The following BABAM2 variants were observed in gnomAD, a reference collection of about 807,000 sequenced individuals.
The protein encoded by BABAM2 is BRISC and BRCA1 A complex member 2.
Under a neutral mutation model 54.7 loss-of-function variants are expected in BABAM2, and 31 were observed. The observed-to-expected ratio is 0.57, with a 90% CI of 0.43 to 0.77. The LOEUF is 0.77. BABAM2 is among the 30% of genes least tolerant of loss of function. BABAM2 has a pLI of 0.00. For missense variants in BABAM2, 364 were observed against 455.8 expected (o/e 0.80, Z 1.83); for synonymous variants, 167 against 162.9 (o/e 1.03, Z -0.19).
chr2:27,986,873 A>G (rs963487698), intron 3 of BABAM2, among the ~76,000 whole-genome samples: 1 of 152,190 alleles, frequency 6.6e-6, no homozygotes, highest in Admixed American at 6.5e-5. Flanking sequence ...TCGATAAACT[A>G]ATCTACTTGT....
chr2:28,026,989 A>ATATATATATAT (rs1558668326), intron 5 of BABAM2, among the ~76,000 whole-genome samples: 33 of 110,012 alleles, frequency 3.0e-4, no homozygotes, highest in South Asian at 2.4e-3. Context: ...AATATATATA[A>ATATATATATAT]AAATATATAA....
intron 4 of BABAM2, among the ~76,000 whole-genome samples, chr2:28,002,667 A>T (rs1673657387): frequency 6.6e-6 from 1 of 152,302 alleles, no homozygotes; most frequent in African/African-American, 2.4e-5. Context: ...AATCTAAAAA[A>T]AGAAACCAGA....
rs148810957 is a variant in BABAM2, at chr2:27,984,699, A to G, written c.206-3294A>G. Among the ~76,000 whole-genome samples, 1,122 of 150,306 alleles carry G rather than the reference A, an allele frequency of 7.5e-3. 12 individuals are homozygous for G. Among genetic ancestry groups the G allele is most frequent in the African/African-American group, 0.026 (1,081 of 40,904 alleles). ...ATTTCTCACATTTTATTTTATTTTT[A>G]TTTTTTATTCCAGTAGGTTTTTGGG... On this transcript the variant is annotated intron_variant, in intron 3 of 11. Transcript: ENST00000379624.
At chr2:27,920,398 T>G (rs995910677) in intron 2 of BABAM2, among the ~76,000 whole-genome samples, 1 of 152,196 alleles carries the variant, frequency 6.6e-6, no homozygotes, top group East Asian at 1.9e-4. Context: ...TCTTCCAGCT[T>G]CTTTACTGCT....
chr2:28,335,696 A>G (rs996481080), intron 11 of BABAM2, among the ~76,000 whole-genome samples: 7 of 152,238 alleles, frequency 4.6e-5, no homozygotes, highest in African/African-American at 1.7e-4. Context: ...GACAGTGTGC[A>G]GGGAGATGAC....
intron 2 of BABAM2, among the ~76,000 whole-genome samples, chr2:27,915,455 C>T (rs563361303): frequency 4.1e-4 from 62 of 152,168 alleles, no homozygotes; most frequent in African/African-American, 1.3e-3. Context: ...ACACTGAAGA[C>T]GAGAGAGATT....
intron 3 of BABAM2, among the ~76,000 whole-genome samples, chr2:27,938,322 C>G (rs1324313220): frequency 6.6e-6 from 1 of 152,106 alleles, no homozygotes; most frequent in Non-Finnish European, 1.5e-5. Flanking sequence ...AATACAAACA[C>G]ACTTAATTGA....
intron 6 of BABAM2, among the ~76,000 whole-genome samples, chr2:28,068,791 C>T (rs1038260578): frequency 6.6e-6 from 1 of 151,928 alleles, no homozygotes; most frequent in South Asian, 2.1e-4. Flanking sequence ...GCCCCGACAC[C>T]GACATATCTT....
intron 6 of BABAM2, among the ~76,000 whole-genome samples, chr2:28,108,166 A>G (rs995374763): frequency 3.3e-5 from 5 of 152,118 alleles, no homozygotes; most frequent in Admixed American, 1.3e-4. Flanking sequence ...TCACATATAT[A>G]TATATGGCAA....
chr2:27,949,527 C>A (rs528377186), intron 3 of BABAM2, among the ~76,000 whole-genome samples: 7 of 150,242 alleles, frequency 4.7e-5, no homozygotes, highest in South Asian at 2.1e-4. Context: ...GAGTGAGATT[C>A]CGTCTCAAAA....
At chr2:28,231,194 T>C in intron 7 of BABAM2, among the ~76,000 whole-genome samples, 1 of 152,118 alleles carries the variant, frequency 6.6e-6, no homozygotes, top group East Asian at 1.9e-4. Flanking sequence ...GATCACAAAA[T>C]GCCCAGTAGA....
chr2:28,065,946 GC>G (rs1303325439), intron 6 of BABAM2, among the ~76,000 whole-genome samples: 6 of 145,638 alleles, frequency 4.1e-5, no homozygotes, highest in Non-Finnish European at 9.0e-5. Context: ...TTTGAGACCA[GC>G]CTGGCCAACG....
At chr2:28,014,267 T>G (rs1348033123) in intron 4 of BABAM2, among the ~76,000 whole-genome samples, 1 of 152,184 alleles carries the variant, frequency 6.6e-6, no homozygotes, top group Non-Finnish European at 1.5e-5. Flanking sequence ...ACAACATATT[T>G]GATAAAACTC....
chr2:28,086,479 A>C (rs906717567), intron 6 of BABAM2, among the ~76,000 whole-genome samples: 1 of 152,204 alleles, frequency 6.6e-6, no homozygotes, highest in Non-Finnish European at 1.5e-5. Flanking sequence ...ATGCATACAT[A>C]CCTGTTCAAT....
At chr2:28,181,393 T>C (rs1258989741) in intron 7 of BABAM2, among the ~76,000 whole-genome samples, 1 of 152,196 alleles carries the variant, frequency 6.6e-6, no homozygotes, top group Non-Finnish European at 1.5e-5. Context: ...TATCACGTGT[T>C]CTCATTTATA....
intron 10 of BABAM2, among the ~76,000 whole-genome samples, chr2:28,274,636 T>G (rs1473192641): frequency 1.3e-5 from 2 of 152,186 alleles, no homozygotes; most frequent in East Asian, 3.9e-4. Flanking sequence ...TTTGCCATGT[T>G]GCCCAGGCTT....
At chr2:27,912,146 T>C (rs865849405) in intron 2 of BABAM2, among the ~76,000 whole-genome samples, 12 of 152,304 alleles carry the variant, frequency 7.9e-5, no homozygotes, top group African/African-American at 2.9e-4. Flanking sequence ...GGAAAGGGAA[T>C]ACAATTTCAT....
At chr2:28,313,086 C>T (rs971649014) in intron 11 of BABAM2, among the ~76,000 whole-genome samples, 8 of 152,192 alleles carry the variant, frequency 5.3e-5, no homozygotes, top group Admixed American at 3.3e-4. Flanking sequence ...TCCACCTACC[C>T]GTGGAGTGGC....
intron 6 of BABAM2, among the ~76,000 whole-genome samples, chr2:28,105,476 G>T (rs1054361166): frequency 3.9e-5 from 6 of 152,010 alleles, no homozygotes; most frequent in Admixed American, 2.6e-4. Flanking sequence ...CTACTGGATT[G>T]CAGTGGGAAA....
Sources: gnomAD v4.1 joint callset for allele counts (sites outside exome capture counted in the v4.1 genomes callset) on GRCh38, gnomAD v4.1.1 for gene constraint, MANE v1.5 for transcripts, NCBI Gene and HGNC (gene_info 2026-07-23, HGNC 2026-07-21) for gene names.